PARD3: variants seen among roughly 807,000 people sequenced by gnomAD.
PARD3 encodes the protein partitioning defective 3 homolog.
In PARD3, 75 loss-of-function variants were observed where a neutral mutation model predicts 155.4. The observed-to-expected ratio is 0.48, with a 90% CI of 0.40 to 0.58. The LOEUF is 0.58. Among genes scored for constraint, PARD3 ranks in the 20% least tolerant of loss-of-function variants. The pLI is 0.00. For missense variants in PARD3, 1,642 were observed against 1,721.7 expected (o/e 0.95, Z 0.82); for synonymous variants, 576 against 610.5 (o/e 0.94, Z 0.83).
intron 1 of PARD3, among the ~76,000 whole-genome samples, chr10:34,760,034 A>C (rs1355303749): frequency 6.6e-6 from 1 of 152,168 alleles, no homozygotes; most frequent in Admixed American, 6.5e-5. Context: ...ATAGGTTTCA[A>C]CAAGTTTAGT....
intron 1 of PARD3, among the ~76,000 whole-genome samples, chr10:34,750,656 T>G (rs921738454): frequency 6.6e-6 from 1 of 152,118 alleles, no homozygotes; most frequent in African/African-American, 2.4e-5. Flanking sequence ...GCATTTTTAA[T>G]GTTAATTTGG....
intron 12 of PARD3, among the ~76,000 whole-genome samples, chr10:34,368,683 AAG>A (rs1466174863): frequency 7.1e-6 from 1 of 140,266 alleles, no homozygotes; most frequent in African/African-American, 3.3e-5. Context: ...AACAAAAAAA[AAG>A]AAGAAGGTGG....
At chr10:34,554,574 A>G (rs1274288229) in intron 2 of PARD3, among the ~76,000 whole-genome samples, 1 of 152,238 alleles carries the variant, frequency 6.6e-6, no homozygotes, top group East Asian at 1.9e-4. Context: ...TAGATTTCTC[A>G]TAACTCAAAG....
chr10:34,806,406 G>C (rs533490198), intron 1 of PARD3, among the ~76,000 whole-genome samples: 261 of 152,184 alleles, frequency 1.7e-3, no homozygotes, highest in Non-Finnish European at 3.2e-3. Context: ...ACTTTGGCCA[G>C]GCTCGAACTC....
chr10:34,758,541 T>G (rs886700305), intron 1 of PARD3, among the ~76,000 whole-genome samples: 1 of 152,184 alleles, frequency 6.6e-6, no homozygotes, highest in East Asian at 1.9e-4. Flanking sequence ...TGCCCACAAT[T>G]TCCTTCTTCC....
At chr10:34,625,245 T>C (rs1308813405) in intron 2 of PARD3, among the ~76,000 whole-genome samples, 4 of 152,254 alleles carry the variant, frequency 2.6e-5, no homozygotes, top group African/African-American at 9.6e-5. Context: ...GTTAAGACTT[T>C]ACAGTTCTCA....
chr10:34,589,612 G>C (rs1311306486), intron 2 of PARD3, among the ~76,000 whole-genome samples: 1 of 100,340 alleles, frequency 1.0e-5, no homozygotes, highest in Middle Eastern at 9.4e-3. Flanking sequence ...TGGCATCCCA[G>C]CAAAACTAAT....
intron 3 of PARD3, among the ~76,000 whole-genome samples, chr10:34,476,316 G>T (rs2078701043): frequency 6.6e-6 from 1 of 152,100 alleles, no homozygotes; most frequent in South Asian, 2.1e-4. Context: ...CGAGTGTGTG[G>T]GGTAAAGAAT....
intron 9 of PARD3, among the ~76,000 whole-genome samples, chr10:34,381,912 C>CAAAAAAAAAAAAAAAAAAAAAAA (rs202053812): frequency 1.7e-4 from 12 of 71,876 alleles, no homozygotes; most frequent in Admixed American, 1.6e-4. Flanking sequence ...GGCCCTGTCT[C>CAAAAAAAAAAAAAAAAAAAAAAA]AAAAAAAAAA....
At chr10:34,314,356 T>G (rs1401007072) in intron 20 of PARD3, among the ~76,000 whole-genome samples, 1 of 152,188 alleles carries the variant, frequency 6.6e-6, no homozygotes, top group African/African-American at 2.4e-5. Flanking sequence ...ATCCTCATCG[T>G]GTGAAGGAAG....
chr10:34,245,899 A>T (rs76044098), intron 22 of PARD3, among the ~76,000 whole-genome samples: 4,818 of 152,318 alleles, frequency 0.032, 241 homozygotes, highest in African/African-American at 0.11. Flanking sequence ...GCACTACTAC[A>T]GTGTCAATGG....
chr10:34,548,348 A>G (rs998271928), intron 2 of PARD3, among the ~76,000 whole-genome samples: 1 of 152,022 alleles, frequency 6.6e-6, no homozygotes, highest in African/African-American at 2.4e-5. Context: ...CACACACAAA[A>G]AAAAGCCAGG....
intron 2 of PARD3, among the ~76,000 whole-genome samples, chr10:34,560,493 C>CA (rs1169091467): frequency 7.9e-5 from 12 of 151,966 alleles, no homozygotes; most frequent in African/African-American, 1.4e-4. Flanking sequence ...GACAATGTCA[C>CA]AAAAAAACAA....
At chr10:34,704,218 G>A (rs943654159) in intron 1 of PARD3, among the ~76,000 whole-genome samples, 1 of 152,118 alleles carries the variant, frequency 6.6e-6, no homozygotes, top group Non-Finnish European at 1.5e-5. Flanking sequence ...TAAGGCTAAG[G>A]CTAATTAGTT....
chr10:34,116,987 C>T lies in PARD3; in HGVS notation c.3668+2626G>A, dbSNP rs554009945. On this transcript the variant is annotated intron_variant, in intron 24 of 24. Coordinates refer to ENST00000374788, the MANE Select transcript of PARD3 (RefSeq NM_001184785.2). ...GGGAAGGCGAGGATGAAAGGTTCGG[C>T]GGGAATGCATGAGCTACTTTGGAAT... Among the ~76,000 whole-genome samples the T allele has an allele frequency of 1.8e-3, 275 of 152,212 alleles. 3 individuals are homozygous for T. The highest frequency in any genetic ancestry group is 3.4e-3 in the Non-Finnish European group (232 of 68,006).
intron 22 of PARD3, among the ~76,000 whole-genome samples, chr10:34,162,774 G>A (rs543561778): frequency 6.6e-6 from 1 of 152,228 alleles, no homozygotes; most frequent in Non-Finnish European, 1.5e-5. Context: ...AATTTGACCT[G>A]ATAGGCTAGA....
intron 1 of PARD3, among the ~76,000 whole-genome samples, chr10:34,715,227 A>AC (rs2094502987): frequency 1.3e-5 from 2 of 151,570 alleles, no homozygotes; most frequent in Non-Finnish European, 2.9e-5. Flanking sequence ...ACAGGTACAC[A>AC]CCACCACGCC....
intron 1 of PARD3, among the ~76,000 whole-genome samples, chr10:34,774,384 G>A (rs1229706544): frequency 6.6e-6 from 1 of 152,140 alleles, no homozygotes; most frequent in Non-Finnish European, 1.5e-5. Flanking sequence ...GTAAGCACAT[G>A]TGGTTTTCTG....
intron 9 of PARD3, among the ~76,000 whole-genome samples, chr10:34,381,052 C>A (rs1841772558): frequency 6.6e-6 from 1 of 152,158 alleles, no homozygotes; most frequent in Admixed American, 6.5e-5. Context: ...AACTCCTGAT[C>A]ATGTCAACCA....
Sources: allele counts gnomAD v4.1 joint callset (sites outside exome capture counted in the v4.1 genomes callset), GRCh38; gene constraint gnomAD v4.1.1; transcripts MANE v1.5; gene names NCBI Gene and HGNC (gene_info 2026-07-23, HGNC 2026-07-21).